RAD51B: variants seen among roughly 807,000 people sequenced by gnomAD.
RAD51B encodes the protein DNA repair protein RAD51 homolog 2.
Under a neutral mutation model 42.2 loss-of-function variants are expected in RAD51B, and 38 were observed. The ratio of observed to expected loss-of-function variants is 0.90; its 90% CI spans 0.70 to 1.18. The LOEUF (loss-of-function observed/expected upper bound fraction) is 1.18, where lower values mean the gene tolerates loss of function less well. Among genes scored for constraint, RAD51B ranks in the 50% most tolerant of loss-of-function variants. RAD51B has a pLI of 0.00. For missense variants in RAD51B, 373 were observed against 400.7 expected (o/e 0.93, Z 0.59); for synonymous variants, 154 against 145.2 (o/e 1.06, Z -0.43).
At chr14:68,537,664 T>G (rs1446177808) in intron 10 of RAD51B, among the ~76,000 whole-genome samples, 1 of 152,238 alleles carries the variant, frequency 6.6e-6, no homozygotes, top group African/African-American at 2.4e-5. Context: ...ATTTTAGTTC[T>G]TCTAGATTTA....
intron 8 of RAD51B, among the ~76,000 whole-genome samples, chr14:68,386,003 C>T (rs908169440): frequency 3.3e-5 from 5 of 152,218 alleles, no homozygotes; most frequent in Non-Finnish European, 7.3e-5. Flanking sequence ...CTCTTAGCCA[C>T]TTGTGGTCAC....
In RAD51B at chr14:67,975,447, A is replaced by G. The variant is rs144040472; in HGVS notation, c.756+88243A>G. Among the ~76,000 whole-genome samples the G allele has an allele frequency of 4.3e-3, 662 of 152,360 alleles. 1 individual carries two copies. Among genetic ancestry groups the G allele is most frequent in the Non-Finnish European group, 7.8e-3 (532 of 68,034 alleles). ...CCAGCCTTATCATATTTATTCAACC[A>G]TAAACCTTAACAGATATACCTATTT... is the stretch of plus-strand genomic sequence containing the variant. On this transcript the variant is annotated intron_variant, in intron 7 of 10. Transcript: ENST00000471583.
At chr14:68,153,379 G>A (rs2078431865) in intron 7 of RAD51B, among the ~76,000 whole-genome samples, 1 of 152,064 alleles carries the variant, frequency 6.6e-6, no homozygotes, top group Non-Finnish European at 1.5e-5. Flanking sequence ...TTACTGAATG[G>A]TAGTGCTATT....
chr14:68,494,054 T>G (rs1437868269), intron 10 of RAD51B, among the ~76,000 whole-genome samples: 5 of 152,090 alleles, frequency 3.3e-5, no homozygotes, highest in Non-Finnish European at 7.4e-5. Flanking sequence ...GGGAGGCGGA[T>G]CAGTTGAGGT....
intron 7 of RAD51B, among the ~76,000 whole-genome samples, chr14:68,249,650 C>T (rs1027931238): frequency 1.3e-4 from 20 of 152,300 alleles, no homozygotes; most frequent in African/African-American, 3.4e-4. Context: ...CACCACTTTC[C>T]GACTGGGAAT....
chr14:68,358,021 G>A (rs1474238582), intron 8 of RAD51B, among the ~76,000 whole-genome samples: 1 of 152,178 alleles, frequency 6.6e-6, no homozygotes, highest in Non-Finnish European at 1.5e-5. Context: ...AGGAAATAGA[G>A]AGGCCTGAGA....
intron 7 of RAD51B, among the ~76,000 whole-genome samples, chr14:68,077,918 T>C (rs868515254): frequency 1.3e-5 from 2 of 152,206 alleles, no homozygotes; most frequent in Non-Finnish European, 2.9e-5. Flanking sequence ...ACTGCGCCAC[T>C]GCACTCCATC....
chr14:68,526,348 C>A (rs1313514252), intron 10 of RAD51B, among the ~76,000 whole-genome samples: 1 of 152,184 alleles, frequency 6.6e-6, no homozygotes, highest in Non-Finnish European at 1.5e-5. Flanking sequence ...TAGACTATAC[C>A]ATCTAGGTTG....
intron 8 of RAD51B, chr14:68,339,672 G>T (rs1181850984): frequency 5.2e-6 from 1 of 193,468 alleles, no homozygotes; most frequent in South Asian, 1.1e-4. Flanking sequence ...TATATCAGGG[G>T]TGATTTAACG....
At chr14:68,623,214 C>T (rs1891995100) in intron 10 of RAD51B, among the ~76,000 whole-genome samples, 1 of 152,142 alleles carries the variant, frequency 6.6e-6, no homozygotes, top group African/African-American at 2.4e-5. Context: ...GTTCCCTCCC[C>T]CAGGACTGCC....
intron 8 of RAD51B, among the ~76,000 whole-genome samples, chr14:68,400,247 C>T (rs1006485778): frequency 6.6e-6 from 1 of 152,160 alleles, no homozygotes; most frequent in Non-Finnish European, 1.5e-5. Context: ...CAAAGTACTT[C>T]GTTGGATATG....
At chr14:67,822,320 C>T (rs1291316886) in intron 1 of RAD51B, 2 of 152,082 alleles carry the variant, frequency 1.3e-5, no homozygotes, top group South Asian at 2.1e-4. Flanking sequence ...GCCTCATTTA[C>T]CCCTAGCAAG....
intron 8 of RAD51B, among the ~76,000 whole-genome samples, chr14:68,349,537 T>C (rs1395873640): frequency 6.6e-6 from 1 of 152,188 alleles, no homozygotes; most frequent in African/African-American, 2.4e-5. Context: ...AGCTAATTTC[T>C]GTATTTTCAG....
At chr14:67,938,380 T>G (rs985948541) in intron 7 of RAD51B, among the ~76,000 whole-genome samples, 10 of 152,320 alleles carry the variant, frequency 6.6e-5, no homozygotes, top group Admixed American at 6.5e-4. Context: ...TTCTAACAAA[T>G]AATACTTTTG....
At chr14:68,369,544 G>A (rs1205572084) in intron 8 of RAD51B, among the ~76,000 whole-genome samples, 3 of 152,206 alleles carry the variant, frequency 2.0e-5, no homozygotes, top group South Asian at 2.1e-4. Flanking sequence ...AAGGGAAAAC[G>A]TGTTTGCTGC....
chr14:67,901,964 T>C lies in RAD51B; in HGVS notation c.756+14760T>C, dbSNP rs2043628935. ...ATTGGTACAATGTATGTTATTCCAG[T>C]GATGGATACCTGGAAAGTCCTGACT... is the stretch of plus-strand genomic sequence containing the variant. On this transcript the variant is annotated intron_variant, in intron 7 of 10. Coordinates refer to ENST00000471583, the MANE Select transcript of RAD51B (RefSeq NM_133510.4). 2.0e-5 allele frequency among the ~76,000 whole-genome samples: 3 copies of C among 152,178 alleles called. No individual in the cohort carries two copies. In the South Asian group the frequency reaches 6.2e-4, roughly 31 times the overall value.
chr14:67,869,708 G>T (rs537467361), intron 5 of RAD51B, among the ~76,000 whole-genome samples: 2 of 152,266 alleles, frequency 1.3e-5, no homozygotes, highest in East Asian at 3.9e-4. Context: ...TACCCTCAAA[G>T]GGAAGCCCAT....
At position 68,648,133 on chromosome 14, in the gene RAD51B, G is replaced by GTA. The variant is rs371883719; in HGVS notation, c.1037-2635_1037-2634dup. On this transcript the variant is annotated intron_variant, in intron 10 of 11. Transcript: ENST00000488612. ...CACACGTATATATATATACACACAC[G>GTA]TATATATATATATACACACACGTAT... 5.1e-3 allele frequency among the ~76,000 whole-genome samples: 465 copies of GTA among 90,514 alleles called. 6 individuals are homozygous for GTA. Among genetic ancestry groups the GTA allele is most frequent in the African/African-American group, 0.018 (415 of 23,262 alleles). The allele number at this position is 90,514 out of a possible 152,430, so 59.4% of individuals were successfully genotyped here.
intron 8 of RAD51B, among the ~76,000 whole-genome samples, chr14:68,386,924 G>T (rs1258298820): frequency 6.6e-6 from 1 of 152,200 alleles, no homozygotes; most frequent in African/African-American, 2.4e-5. Context: ...AAATGAAACT[G>T]CACATTCATT....
Sources: gnomAD v4.1 joint callset for allele counts (sites outside exome capture counted in the v4.1 genomes callset) on GRCh38, gnomAD v4.1.1 for gene constraint, MANE v1.5 for transcripts, NCBI Gene and HGNC (gene_info 2026-07-23, HGNC 2026-07-21) for gene names.